IQCM: variants seen among roughly 807,000 people sequenced by gnomAD.
IQCM encodes the protein IQ motif containing M, also known as IQ domain-containing protein M.
In IQCM, 45 loss-of-function variants were observed where a neutral mutation model predicts 57.6. That is an observed-to-expected ratio of 0.78 (90% CI 0.62 to 1.00). The LOEUF (loss-of-function observed/expected upper bound fraction) is 1.00. IQCM is among the 50% of genes least tolerant of loss of function. The probability of loss-of-function intolerance (pLI) is 0.00; values close to 1 mark genes in which losing one functional copy is unlikely to be tolerated. For missense variants in IQCM, 468 were observed against 511.6 expected (o/e 0.91, Z 0.82); for synonymous variants, 148 against 158.9 (o/e 0.93, Z 0.51).
At chr4:149,687,686 T>C (rs928502849) in intron 5 of IQCM, among the ~76,000 whole-genome samples, 1 of 151,880 alleles carries the variant, frequency 6.6e-6, no homozygotes, top group Non-Finnish European at 1.5e-5. Context: ...TGAACATAGA[T>C]GCTAACATCC....
chr4:149,736,761 A>C (rs1396304086), intron 3 of IQCM, among the ~76,000 whole-genome samples: 1 of 152,218 alleles, frequency 6.6e-6, no homozygotes, highest in Non-Finnish European at 1.5e-5. Flanking sequence ...TAGCATAATC[A>C]GTTTGGAAAA....
At position 149,662,270 on chromosome 4, in the gene IQCM, T is replaced by C. The variant is rs369730082; in HGVS notation, c.565+19848A>G. Among the ~76,000 whole-genome samples, 21 of 152,150 alleles carry C rather than the reference T, an allele frequency of 1.4e-4. 1 individual carries two copies. In the East Asian group the frequency reaches 3.7e-3, roughly 27 times the overall value. ...TGTTTCTGAAGATTTTCTTGTTGAT[T>C]TCTAGCTTTCTACCACTGTGATCAG... On this transcript the variant is annotated intron_variant, in intron 7 of 13. Transcript: ENST00000636793.
At chr4:149,371,988 T>C (rs1037549690) in intron 13 of IQCM, among the ~76,000 whole-genome samples, 2 of 152,204 alleles carry the variant, frequency 1.3e-5, no homozygotes, top group Admixed American at 6.6e-5. Context: ...TCTGAACCAA[T>C]AGTTAAAAAC....
chr4:149,792,918 C>T (rs1225517881), intron 2 of IQCM, among the ~76,000 whole-genome samples: 1 of 152,120 alleles, frequency 6.6e-6, no homozygotes, highest in African/African-American at 2.4e-5. Context: ...TCAGGTTCTA[C>T]CGTAGACCCC....
chr4:149,492,112 T>C (rs1353070810), intron 12 of IQCM, among the ~76,000 whole-genome samples: 3 of 152,144 alleles, frequency 2.0e-5, no homozygotes, highest in Non-Finnish European at 4.4e-5. Flanking sequence ...TGTTTTGTTT[T>C]CAAATTCTTG....
At chr4:149,657,227 TA>T (rs1232996133) in intron 7 of IQCM, among the ~76,000 whole-genome samples, 6 of 152,266 alleles carry the variant, frequency 3.9e-5, no homozygotes, top group African/African-American at 1.4e-4. Context: ...GTGATATCGA[TA>T]TTTTTTTAAG....
intron 9 of IQCM, among the ~76,000 whole-genome samples, chr4:149,574,210 A>G (rs1751433854): frequency 6.6e-6 from 1 of 151,974 alleles, no homozygotes; most frequent in Non-Finnish European, 1.5e-5. Context: ...CACAGAAATT[A>G]TTCTTTGCTT....
rs1560780062 is a variant in IQCM, at chr4:149,369,033, T to TGTATATATATATATATACACAC, written c.1391-16968_1391-16967insGTGTGTATATATATATATATAC. On this transcript the variant is annotated intron_variant, in intron 13 of 13. Transcript: ENST00000636793. ...ACACGTGTATATATATATATATACA[T>TGTATATATATATATATACACAC]GTGTATATATATATATGTATTTTTT... is the stretch of plus-strand genomic sequence containing the variant. Among the ~76,000 whole-genome samples the TGTATATATATATATATACACAC allele has an allele frequency of 3.5e-5, 2 of 56,946 alleles. 1 individual carries two copies. The highest frequency in any genetic ancestry group is 7.3e-5 in the Non-Finnish European group (2 of 27,240). The allele number at this position is 56,946 out of a possible 152,430, so 37.4% of individuals were successfully genotyped here. A position where few individuals can be genotyped will look rare whatever the true frequency, so the allele number is the denominator to read the frequency against.
At chr4:149,488,805 G>C (rs541000664) in intron 12 of IQCM, among the ~76,000 whole-genome samples, 1 of 152,116 alleles carries the variant, frequency 6.6e-6, no homozygotes, top group Non-Finnish European at 1.5e-5. Context: ...TTCCCAAGAA[G>C]AGAAAAGGTA....
At chr4:149,740,663 G>T (rs1446592182) in intron 3 of IQCM, among the ~76,000 whole-genome samples, 1 of 134,294 alleles carries the variant, frequency 7.4e-6, no homozygotes, top group African/African-American at 2.9e-5. Context: ...ATGTGCCTTG[G>T]GGGTGCTTCC....
chr4:149,648,778 T>G (rs960104534), intron 7 of IQCM, among the ~76,000 whole-genome samples: 14 of 151,960 alleles, frequency 9.2e-5, no homozygotes, highest in Admixed American at 5.2e-4. Context: ...GGGATAGCAT[T>G]AGCAGATATA....
chr4:149,613,918 C>T (rs1188239966), intron 8 of IQCM, among the ~76,000 whole-genome samples: 3 of 152,156 alleles, frequency 2.0e-5, no homozygotes, highest in Admixed American at 6.6e-5. Flanking sequence ...TTTATGGCTA[C>T]ATAGCATTCC....
At chr4:149,485,143 T>A (rs1028309872) in intron 12 of IQCM, among the ~76,000 whole-genome samples, 5 of 152,108 alleles carry the variant, frequency 3.3e-5, no homozygotes, top group Non-Finnish European at 5.9e-5. Flanking sequence ...GGATCCTTTA[T>A]CCTTGACCTT....
chr4:149,366,220 TAA>T (rs900498088), intron 13 of IQCM, among the ~76,000 whole-genome samples: 1 of 152,044 alleles, frequency 6.6e-6, no homozygotes, highest in African/African-American at 2.4e-5. Flanking sequence ...ATAGCTCTAA[TAA>T]AAGAGTACCA....
rs1462493064 is a variant in IQCM at position 149,546,848 on chromosome 4, G to T, written c.1228+1607C>A. ...AATTAGATCCCATTTGTCAATTTTG[G>T]CTTTTGTTGCCATTGCTTTTGGTGT... On this transcript the variant is annotated intron_variant, in intron 12 of 13. Transcript: ENST00000636793. 1.5e-3 allele frequency among the ~76,000 whole-genome samples: 235 copies of T among 152,044 alleles called. 1 individual carries two copies. Among genetic ancestry groups the T allele is most frequent in the African/African-American group, 5.5e-3 (229 of 41,522 alleles).
chr4:149,728,989 T>C (rs894275214), intron 5 of IQCM, among the ~76,000 whole-genome samples: 2 of 152,144 alleles, frequency 1.3e-5, no homozygotes, highest in Admixed American at 6.5e-5. Context: ...CCCCAAAGCA[T>C]ATAGCATACA....
intron 8 of IQCM, among the ~76,000 whole-genome samples, chr4:149,606,579 C>T (rs1754802779): frequency 6.6e-6 from 1 of 152,124 alleles, no homozygotes; most frequent in African/African-American, 2.4e-5. Context: ...CACCAGTGAT[C>T]AATCCTGGAG....
rs897802264 is a variant in IQCM, at chr4:149,627,832, A to G, written c.566-6588T>C. ...CCGGGATTGTCCTGGTGGGCACCAC[A>G]TGTAATCACAAGTGTCCTTACAAGA... On this transcript the variant is annotated intron_variant, in intron 7 of 13. Coordinates refer to ENST00000636793, the MANE Select transcript of IQCM (RefSeq NM_001363507.2). Among the ~76,000 whole-genome samples, 15 of 152,216 alleles carry G rather than the reference A, an allele frequency of 9.9e-5. No homozygotes were observed. The South Asian group carries it at 2.7e-3, about 27-fold the overall frequency.
chr4:149,693,305 T>C (rs1287119979), intron 5 of IQCM, among the ~76,000 whole-genome samples: 2 of 152,230 alleles, frequency 1.3e-5, no homozygotes, highest in African/African-American at 4.8e-5. Context: ...CTTGGCTATA[T>C]TTAGCACTTC....
Sources: allele counts gnomAD v4.1 joint callset (sites outside exome capture counted in the v4.1 genomes callset), GRCh38; gene constraint gnomAD v4.1.1; transcripts MANE v1.5; gene names NCBI Gene and HGNC (gene_info 2026-07-23, HGNC 2026-07-21).